LINGO2: variants seen among roughly 807,000 people sequenced by gnomAD.
LINGO2 encodes leucine rich repeat and Ig domain containing 2.
Under a neutral mutation model 30.6 loss-of-function variants are expected in LINGO2, and 14 were observed. The ratio of observed to expected loss-of-function variants is 0.46; its 90% confidence interval spans 0.30 to 0.72. The LOEUF (loss-of-function observed/expected upper bound fraction) is 0.72, where lower values mean the gene tolerates loss of function less well. LINGO2 is among the 30% of genes least tolerant of loss of function. The pLI is 0.07. For synonymous variants in LINGO2, 317 were observed against 288.5 expected (o/e 1.10, Z -1.00); for missense variants, 729 against 751.7 (o/e 0.97, Z 0.35).
At chr9:29,016,860 C>G in the LINGO2 span, among the ~76,000 whole-genome samples, 1 of 152,282 alleles carries the variant, frequency 6.6e-6, no homozygotes, top group South Asian at 2.1e-4. Context: ...AGAAGATCAT[C>G]TTTAGAGGCT....
the LINGO2 span, among the ~76,000 whole-genome samples, chr9:28,946,553 G>C: frequency 2.4e-4 from 37 of 152,230 alleles, 1 homozygote; most frequent in East Asian, 7.0e-3. Context: ...ATTGATGTTG[G>C]AGAGTCTAGC....
chr9:28,143,369 A>T (rs1243374963), intron 4 of LINGO2, among the ~76,000 whole-genome samples: 8 of 152,184 alleles, frequency 5.3e-5, no homozygotes, highest in African/African-American at 1.9e-4. Flanking sequence ...GGATTGCTTT[A>T]TATGGAGAAA....
At chr9:28,466,473 G>T (rs1395466751) in intron 2 of LINGO2, among the ~76,000 whole-genome samples, 1 of 152,110 alleles carries the variant, frequency 6.6e-6, no homozygotes, top group African/African-American at 2.4e-5. Context: ...GTGGAAGAGG[G>T]GGAGGTGGTG....
chr9:28,707,853 C>T, the LINGO2 span, among the ~76,000 whole-genome samples: 15 of 152,090 alleles, frequency 9.9e-5, no homozygotes, highest in Admixed American at 2.0e-4. Context: ...GGGAGTCCTG[C>T]ATCTATCACC....
chr9:28,191,369 A>T (rs1587184943), intron 4 of LINGO2, among the ~76,000 whole-genome samples: 1 of 152,250 alleles, frequency 6.6e-6, no homozygotes, highest in South Asian at 2.1e-4. Context: ...AAACTTGGGA[A>T]CCCCCAAATC....
intron 2 of LINGO2, among the ~76,000 whole-genome samples, chr9:28,404,655 T>C (rs1176962663): frequency 6.6e-6 from 1 of 152,214 alleles, no homozygotes; most frequent in Non-Finnish European, 1.5e-5. Context: ...AATATTTCTT[T>C]TGACATAAAT....
At chr9:28,637,686 T>A (rs2135916210) in intron 1 of LINGO2, among the ~76,000 whole-genome samples, 1 of 152,322 alleles carries the variant, frequency 6.6e-6, no homozygotes, top group Admixed American at 6.5e-5. Context: ...CCTGAGACTT[T>A]GCTGAAGTTG....
At chr9:29,131,806 C>T in the LINGO2 span, among the ~76,000 whole-genome samples, 5 of 151,562 alleles carry the variant, frequency 3.3e-5, no homozygotes, top group Non-Finnish European at 5.9e-5. Context: ...GGAAACTATC[C>T]CTAGTTAAGG....
At chr9:28,262,070 A>C (rs188925020) in intron 4 of LINGO2, among the ~76,000 whole-genome samples, 1 of 152,026 alleles carries the variant, frequency 6.6e-6, no homozygotes, top group Admixed American at 6.6e-5. Context: ...CAAAATATTC[A>C]CCTGCACATG....
the LINGO2 span, among the ~76,000 whole-genome samples, chr9:29,029,736 A>C: frequency 1.3e-5 from 2 of 152,122 alleles, no homozygotes; most frequent in Non-Finnish European, 2.9e-5. Context: ...ATGTTTATAA[A>C]CAAACCAGCA....
At chr9:28,527,130 G>A (rs930503714) in intron 1 of LINGO2, among the ~76,000 whole-genome samples, 30 of 152,166 alleles carry the variant, frequency 2.0e-4, no homozygotes, top group Non-Finnish European at 3.2e-4. Context: ...TCAAAAGAAC[G>A]TGGAGATTAT....
chr9:28,953,561 C>T, the LINGO2 span, among the ~76,000 whole-genome samples: 67 of 152,094 alleles, frequency 4.4e-4, no homozygotes, highest in African/African-American at 1.6e-3. Flanking sequence ...GGGAGTGAGA[C>T]TGTTCTATAT....
chr9:28,331,101 TA>T (rs1021076288), intron 3 of LINGO2, among the ~76,000 whole-genome samples: 1 of 151,952 alleles, frequency 6.6e-6, no homozygotes, highest in African/African-American at 2.4e-5. Flanking sequence ...ATAATAATTT[TA>T]AAAAGTATTC....
the LINGO2 span, among the ~76,000 whole-genome samples, chr9:29,094,474 T>C: frequency 1.4e-5 from 2 of 139,330 alleles, 1 homozygote; most frequent in African/African-American, 5.4e-5. Flanking sequence ...ATGTCTTTTA[T>C]AAATGAAGAA....
the LINGO2 span, among the ~76,000 whole-genome samples, chr9:29,173,651 A>T: frequency 2.6e-5 from 4 of 152,124 alleles, no homozygotes; most frequent in South Asian, 8.3e-4. Context: ...ATTCTACTAA[A>T]CTACAGTGGC....
rs1369177883 is a variant in LINGO2, at chr9:28,148,068, A to G, written c.-86-135663T>C. ...CATTGGCAACCTGCTCGTCTTGTCC[A>G]TGAGGCCTTCCCAGCTGGCCGGGCT... On this transcript the variant is annotated intron_variant, in intron 4 of 5. Coordinates refer to ENST00000379992, the Ensembl canonical transcript of LINGO2. The surrounding 1 kb of genome is among the most constrained non-coding windows in gnomAD (Gnocchi z 5.1). 32 of 1,082,550 alleles carry G rather than the reference A, an allele frequency of 3.0e-5. No individual in the cohort carries two copies. Among genetic ancestry groups the G allele is most frequent in the Non-Finnish European group, 3.7e-5 (32 of 866,108 alleles). 67.1% of individuals were successfully genotyped at this position (1,082,550 alleles called of 1,614,324 possible).
At chr9:28,648,855 C>G (rs144348333) in intron 1 of LINGO2, among the ~76,000 whole-genome samples, 1 of 152,132 alleles carries the variant, frequency 6.6e-6, no homozygotes, top group Non-Finnish European at 1.5e-5. Context: ...AATGTACCTT[C>G]TGTTGGCAGT....
At chr9:28,337,520 C>T (rs1385382368) in intron 3 of LINGO2, among the ~76,000 whole-genome samples, 1 of 152,154 alleles carries the variant, frequency 6.6e-6, no homozygotes, top group African/African-American at 2.4e-5. Flanking sequence ...GGGAAAATGT[C>T]TCCAGGGCAT....
chr9:29,200,077 A>G, the LINGO2 span, among the ~76,000 whole-genome samples: 2,130 of 152,190 alleles, frequency 0.014, 44 homozygotes, highest in African/African-American at 0.049. Context: ...AATAGGAAAA[A>G]TGTTTAGAAA....
Sources: gnomAD v4.1 joint callset for allele counts (sites outside exome capture counted in the v4.1 genomes callset) on GRCh38, gnomAD v4.1.1 for gene constraint, Gnocchi (gnomAD v3.1) non-coding constraint, MANE v1.5 for transcripts, NCBI Gene and HGNC (gene_info 2026-07-23, HGNC 2026-07-21) for gene names.